Variants in AMER2 observed in about 807,000 individuals in gnomAD.
AMER2 encodes the protein family with sequence similarity 123A.
A neutral mutation model predicts 4.7 loss-of-function variants in AMER2; 1 was observed. The ratio of observed to expected loss-of-function variants is 0.21; its 90% confidence interval spans 0.07 to 1.00. AMER2 has a LOEUF of 1.00. Ranked by LOEUF, AMER2 falls within the 50% of genes least tolerant of loss-of-function variation. The pLI is 0.60. For missense variants in AMER2, 988 were observed against 966.9 expected, an observed-to-expected ratio of 1.02 and a Z score of -0.29; for synonymous variants, 485 against 433.3, an observed-to-expected ratio of 1.12 and a Z score of -1.48.
rs1184436435 is a variant in AMER2 at position 25,168,553 on chromosome 13, T to C, written c.*1051A>G. The C allele has an allele frequency of 6.6e-6, 1 of 150,612 alleles. No homozygotes were observed. The highest frequency in any genetic ancestry group is 1.5e-5 in the Non-Finnish European group (1 of 67,692). 9.3% of individuals were successfully genotyped at this position (150,612 alleles called of 1,614,324 possible). The stretch of plus-strand genomic sequence containing the variant: ...TTTTTTTTGAGAACCAGAGAACCCA[T>C]ATAAAACAAAATCAGAATCGCTTCC... On this transcript the variant is annotated 3_prime_UTR_variant, in exon 1 of 1. Coordinates refer to ENST00000515384, the MANE Select transcript of AMER2 (RefSeq NM_152704.4).
Position 25,170,183 on chromosome 13 carries a change from C to T in AMER2, c.1437G>A (p.Val479=), listed in dbSNP as rs1956538355. 3 of 1,613,404 alleles carry T rather than the reference C, an allele frequency of 1.9e-6. No homozygotes were observed. The highest frequency in any genetic ancestry group is 2.5e-6 in the Non-Finnish European group (3 of 1,179,730). ...VPETPKDTRC[V]EAAKDASSVK... ...CCGAGGACGCGTCCTTGGCCGCTTC[C>T]ACACACCTGGTGTCTTTGGGGGTCT... Residue 479 remains valine (V), a synonymous_variant, in exon 1 of 1, where the codon GTG becomes GTA. Transcript: ENST00000515384. The surrounding 1 kb of genome is among the most constrained non-coding windows in gnomAD (Gnocchi z 7.3).
Position 25,170,878 on chromosome 13 carries a change from G to C in AMER2, c.742C>G (p.Pro248Ala). The C allele has an allele frequency of 1.4e-6, 2 of 1,457,102 alleles. No homozygotes were observed. Among genetic ancestry groups the C allele is most frequent in the Non-Finnish European group, 1.8e-6 (2 of 1,112,738 alleles). 90.3% of individuals were successfully genotyped at this position (1,457,102 alleles called of 1,614,324 possible). A position where few individuals can be genotyped will look rare whatever the true frequency, so the allele number is the denominator to read the frequency against. The change falls in exon 1 of 1, where the codon CCG becomes GCG. Residue 248 changes from proline to alanine, a missense_variant. Transcript: ENST00000515384. This position sits in a 1 kb window ranked among gnomAD's most constrained non-coding sequence, Gnocchi z 7.3. ...GGGGCGTCCTGGCTGGGCTCCTCCG[G>C]CTCGCGCGCGGCTCTGGGCGTCTCC... ...KEETPRAARE[P>A]EEPSQDAPRD...
Position 25,161,963 on chromosome 13 carries a change from T to C in AMER2, c.*7641A>G, listed in dbSNP as rs182815960. ...TTGATTCCTCTATCCCATTAAACCA[T>C]TGGAGTGGAGAAAGGAGGAAAGACC... On this transcript the variant is annotated 3_prime_UTR_variant, in exon 1 of 1. Transcript: ENST00000515384. 1 of 152,228 alleles carries C rather than the reference T, an allele frequency of 6.6e-6. No homozygotes were observed. The highest frequency in any genetic ancestry group is 1.9e-4 in the East Asian group (1 of 5,170). The allele number at this position is 152,228 out of a possible 1,614,324, so 9.4% of individuals were successfully genotyped here. A position where few individuals can be genotyped will look rare whatever the true frequency, so the allele number is the denominator to read the frequency against.
rs192986187 is a variant in AMER2, at chr13:25,171,786, A to G, written c.-167T>C. ...AAGGGCTTATATAATACCCTAACCC[A>G]CTTCCATCCGACTTGGCTCGGCGCT... On this transcript the variant is annotated 5_prime_UTR_variant, in exon 1 of 1. Coordinates refer to ENST00000515384, the MANE Select transcript of AMER2 (RefSeq NM_152704.4). The surrounding 1 kb of genome is among the most constrained non-coding windows in gnomAD (Gnocchi z 5.9). The G allele has an allele frequency of 5.4e-6, 7 of 1,288,394 alleles. No homozygotes were observed. The Admixed American group carries it at 1.6e-4, about 30-fold the overall frequency. The allele number at this position is 1,288,394 out of a possible 1,614,324, so 79.8% of individuals were successfully genotyped here.
Position 25,168,303 on chromosome 13 carries a change from T to C in AMER2, c.*1301A>G, listed in dbSNP as rs1566014031. 1 of 152,210 alleles carries C rather than the reference T, an allele frequency of 6.6e-6. No individual in the cohort carries two copies. 9.4% of individuals were successfully genotyped at this position (152,210 alleles called of 1,614,324 possible). On this transcript the variant is annotated 3_prime_UTR_variant, in exon 1 of 1. Coordinates refer to ENST00000515384, the MANE Select transcript of AMER2 (RefSeq NM_152704.4). ...ATTCTGAACACACTTGTCTTTGTCA[T>C]AAGTCTATAAAGCAAAAGGCAAATG...
In AMER2 at chr13:25,170,747, G is replaced by A; in HGVS notation, c.873C>T (p.Gly291=). Residue 291 remains glycine, a synonymous_variant, in exon 1 of 1, where the codon GGC becomes GGT. Coordinates refer to ENST00000515384, the MANE Select transcript of AMER2 (RefSeq NM_152704.4). The surrounding 1 kb of genome is among the most constrained non-coding windows in gnomAD (Gnocchi z 7.3). Reference sequence around the variant, plus strand: ...CGTCCTCTCCCCGGGCGCCGGTGTCGCCGGGGTGCGCGAGGCCCTCTGCCT... The same window carrying A: ...CGTCCTCTCCCCGGGCGCCGGTGTCACCGGGGTGCGCGAGGCCCTCTGCCT... The part of the protein sequence containing the change: ...CREAEGLAHP[G]DTGARGEDAA... The A allele has an allele frequency of 1.4e-6, 2 of 1,400,732 alleles. No homozygotes were observed. Among genetic ancestry groups the A allele is most frequent in the Non-Finnish European group, 9.2e-7 (1 of 1,087,296 alleles). 86.8% of individuals were successfully genotyped at this position (1,400,732 alleles called of 1,614,324 possible). A position where few individuals can be genotyped will look rare whatever the true frequency, so the allele number is the denominator to read the frequency against.
Position 25,168,505 on chromosome 13 carries a change from G to A in AMER2, c.*1099C>T, listed in dbSNP as rs1956505262. 6.6e-6 allele frequency: 1 copy of A among 151,306 alleles called. No individual in the cohort carries two copies. The highest frequency in any genetic ancestry group is 2.1e-4 in the South Asian group (1 of 4,776). The allele number at this position is 151,306 out of a possible 1,614,324, so 9.4% of individuals were successfully genotyped here. ...AAACAAGGCAGAGCCATTCCTCTGGGACACCAGCACAATAGATTTTTTTTT... is the reference window on the plus strand; with the variant it reads ...AAACAAGGCAGAGCCATTCCTCTGGAACACCAGCACAATAGATTTTTTTTT... On this transcript the variant is annotated 3_prime_UTR_variant, in exon 1 of 1. Transcript: ENST00000515384.
chr13:25,170,938 CG>C lies in AMER2; in HGVS notation c.681del (p.Gly228AlafsTer100), dbSNP rs1956559657. 6.7e-7 allele frequency: 1 copy of C among 1,502,748 alleles called. No individual in the cohort carries two copies. Among genetic ancestry groups the C allele is most frequent in the African/African-American group, 1.4e-5 (1 of 69,210 alleles). The allele number at this position is 1,502,748 out of a possible 1,614,324, so 93.1% of individuals were successfully genotyped here. On this transcript the variant is annotated frameshift_variant, in exon 1 of 1. Coordinates refer to ENST00000515384, the MANE Select transcript of AMER2 (RefSeq NM_152704.4). LOFTEE classifies it low-confidence loss of function (END_TRUNC). The surrounding 1 kb of genome is among the most constrained non-coding windows in gnomAD (Gnocchi z 7.3). ...CACTCCAGGCTGGCGGTGAGCGAGC[CG>C]GGTAGGATCAAGCCGCCCCCGGGCG... ...GRAPGGGLILPGSLTASLECV... is the reference protein window; with the variant it reads ...GRAPGGGLILXGSLTASLECV...
Position 25,164,104 on chromosome 13 carries a change from CA to C in AMER2, c.*5499del, listed in dbSNP as rs11286133. 10,402 of 61,518 alleles carry C rather than the reference CA, an allele frequency of 0.17. 356 individuals are homozygous for C. The highest frequency in any genetic ancestry group is 0.32 in the East Asian group (841 of 2,598). 3.8% of individuals were successfully genotyped at this position (61,518 alleles called of 1,614,324 possible). The stretch of plus-strand genomic sequence containing the variant: ...TGGGTGACAGAGTAAGACTCCATCT[CA>C]AAAAAAAAAAAAAAAAAAATTAAAG... On this transcript the variant is annotated 3_prime_UTR_variant, in exon 1 of 1. Coordinates refer to ENST00000515384, the MANE Select transcript of AMER2 (RefSeq NM_152704.4).
rs749245506 is a variant in AMER2, at chr13:25,162,835, T to C, written c.*6769A>G. 1 of 152,186 alleles carries C rather than the reference T, an allele frequency of 6.6e-6. No individual in the cohort carries two copies. Among genetic ancestry groups the C allele is most frequent in the South Asian group, 2.1e-4 (1 of 4,832 alleles). The allele number at this position is 152,186 out of a possible 1,614,324, so 9.4% of individuals were successfully genotyped here. On this transcript the variant is annotated 3_prime_UTR_variant, in exon 1 of 1. Coordinates refer to ENST00000515384, the MANE Select transcript of AMER2 (RefSeq NM_152704.4). ...TTTCCAAAATTACCCATTTTACCAA[T>C]ACCTACCTTACATGGTTCTTGTGAA...
Position 25,171,022 on chromosome 13 carries a change from C to A in AMER2, c.598G>T (p.Gly200Cys), listed in dbSNP as rs753393238. 1.3e-5 allele frequency: 20 copies of A among 1,572,206 alleles called. No homozygotes were observed. The highest frequency in any genetic ancestry group is 1.4e-5 in the African/African-American group (1 of 71,190). ...TTGTCTTTCCTGTGCCAGCGCATGC[C>A]GCTGAACAGCCCCCGCAGCCCCCGC... Reference protein sequence around the residue: ...QKRGLRGLFSGMRWHRKDKRA... With the variant: ...QKRGLRGLFSCMRWHRKDKRA... Residue 200 changes from glycine (G) to cysteine (C), a missense_variant, in exon 1 of 1, where the codon GGC (glycine) becomes TGC (cysteine). Gly to Cys is a radical substitution (Grantham distance 159). Transcript: ENST00000515384. This position sits in a 1 kb window ranked among gnomAD's most constrained non-coding sequence, Gnocchi z 5.9.
Position 25,164,143 on chromosome 13 carries a change from A to G in AMER2, c.*5461T>C, listed in dbSNP as rs1247103396. 6.8e-6 allele frequency: 1 copy of G among 147,946 alleles called. No homozygotes were observed. The highest frequency in any genetic ancestry group is 1.5e-5 in the Non-Finnish European group (1 of 66,722). The allele number at this position is 147,946 out of a possible 1,614,324, so 9.2% of individuals were successfully genotyped here. On this transcript the variant is annotated 3_prime_UTR_variant, in exon 1 of 1. Coordinates refer to ENST00000515384, the MANE Select transcript of AMER2 (RefSeq NM_152704.4). ...AAAAAAATTAAAGAGGGTAGATCTC[A>G]TATTCAATATTCTTACTGCAATTAA...
rs397835038 is a variant in AMER2 at position 25,163,343 on chromosome 13, C to G, written c.*6261G>C. ...GTCATTCCACTTCTGGGTATTTATT[C>G]AAAAAAACTGAAATCAGGATCTTAA... is the stretch of plus-strand genomic sequence containing the variant. On this transcript the variant is annotated 3_prime_UTR_variant, in exon 1 of 1. Transcript: ENST00000515384. The G allele has an allele frequency of 1.4e-4, 21 of 151,974 alleles. No individual in the cohort carries two copies. The highest frequency in any genetic ancestry group is 3.1e-4 in the African/African-American group (13 of 41,440). 9.4% of individuals were successfully genotyped at this position (151,974 alleles called of 1,614,324 possible).
rs548409500 is a variant in AMER2, at chr13:25,171,200, C to G, written c.420G>C (p.Gly140=). The G allele has an allele frequency of 7.1e-7, 1 of 1,410,474 alleles. No individual in the cohort carries two copies. Among genetic ancestry groups the G allele is most frequent in the Non-Finnish European group, 9.2e-7 (1 of 1,086,194 alleles). 87.4% of individuals were successfully genotyped at this position (1,410,474 alleles called of 1,614,324 possible). The change falls in exon 1 of 1, where the codon GGG becomes GGC. Residue 140 remains glycine (G), a synonymous_variant. Coordinates refer to ENST00000515384, the MANE Select transcript of AMER2 (RefSeq NM_152704.4). This position sits in a 1 kb window ranked among gnomAD's most constrained non-coding sequence, Gnocchi z 5.9. ...CGCCGGGCCCTGCGGCTCTGGGGGG[C>G]CCCGGGTTCGGCCGCCCCCCGCCGC... ...GGGGGGRPNP[G]PPRAAGPGGG...
Position 25,164,347 on chromosome 13 carries a change from T to A in AMER2, c.*5257A>T, listed in dbSNP as rs1213357059. The A allele has an allele frequency of 1.3e-5, 2 of 151,768 alleles. No homozygotes were observed. Among genetic ancestry groups the A allele is most frequent in the Non-Finnish European group, 2.9e-5 (2 of 67,968 alleles). 9.4% of individuals were successfully genotyped at this position (151,768 alleles called of 1,614,324 possible). The stretch of plus-strand genomic sequence containing the variant: ...CCACATTAATCCTAAGAGAAGAGGA[T>A]CCCTCCAAGGGAAGGCCAATGTTTG... On this transcript the variant is annotated 3_prime_UTR_variant, in exon 1 of 1. Coordinates refer to ENST00000515384, the MANE Select transcript of AMER2 (RefSeq NM_152704.4).
In AMER2 at chr13:25,163,333, G is replaced by A. The variant is rs1444386975; in HGVS notation, c.*6271C>T. The A allele has an allele frequency of 6.6e-6, 1 of 151,818 alleles. No homozygotes were observed. Among genetic ancestry groups the A allele is most frequent in the Non-Finnish European group, 1.5e-5 (1 of 67,992 alleles). 9.4% of individuals were successfully genotyped at this position (151,818 alleles called of 1,614,324 possible). A position where few individuals can be genotyped will look rare whatever the true frequency, so the allele number is the denominator to read the frequency against. On this transcript the variant is annotated 3_prime_UTR_variant, in exon 1 of 1. Coordinates refer to ENST00000515384, the MANE Select transcript of AMER2 (RefSeq NM_152704.4). ...GAATGACCCAGTCATTCCACTTCTG[G>A]GTATTTATTCAAAAAAACTGAAATC...
Position 25,169,549 on chromosome 13 carries a change from C to T in AMER2, c.*55G>A, listed in dbSNP as rs1220974969. On this transcript the variant is annotated 3_prime_UTR_variant, in exon 1 of 1. Transcript: ENST00000515384. This position sits in a 1 kb window ranked among gnomAD's most constrained non-coding sequence, Gnocchi z 4.2. ...AAGCAAAACTTACTTTAGTGGTTTC[C>T]AGGGAAAAGTTGTATTCCTTGGCAT... 2.6e-6 allele frequency: 4 copies of T among 1,514,742 alleles called. No homozygotes were observed. Among genetic ancestry groups the T allele is most frequent in the Non-Finnish European group, 3.5e-6 (4 of 1,133,580 alleles). 93.8% of individuals were successfully genotyped at this position (1,514,742 alleles called of 1,614,324 possible).
At position 25,169,895 on chromosome 13, in the gene AMER2, G is replaced by C; in HGVS notation, c.1725C>G (p.Asn575Lys). ...ACCGGGACAGGGAGGACGTCTCCTC[G>C]TTGTCCTTCCCTCCAGGAAGGGTTG... Reference protein sequence around the residue: ...SPATLPGGKDNEETSSLSRLK... With the variant: ...SPATLPGGKDKEETSSLSRLK... Residue 575 changes from asparagine to lysine, a missense_variant, in exon 1 of 1, where the codon AAC (asparagine) becomes AAG (lysine). Transcript: ENST00000515384. The surrounding 1 kb of genome is among the most constrained non-coding windows in gnomAD (Gnocchi z 4.2). 6.2e-7 allele frequency: 1 copy of C among 1,614,134 alleles called. No homozygotes were observed. Among genetic ancestry groups the C allele is most frequent in the Non-Finnish European group, 8.5e-7 (1 of 1,180,008 alleles).
In AMER2 at chr13:25,169,015, T is replaced by G. The variant is rs1956513658; in HGVS notation, c.*589A>C. ...AGGGAAGTTTTCTGCCAATCAGTGG[T>G]CCCCTCTGCTCATCAGGTAAATACC... On this transcript the variant is annotated 3_prime_UTR_variant, in exon 1 of 1. Coordinates refer to ENST00000515384, the MANE Select transcript of AMER2 (RefSeq NM_152704.4). The surrounding 1 kb of genome is among the most constrained non-coding windows in gnomAD (Gnocchi z 4.2). The G allele has an allele frequency of 6.5e-6, 1 of 152,708 alleles. No homozygotes were observed. 9.5% of individuals were successfully genotyped at this position (152,708 alleles called of 1,614,324 possible).
Sources: gnomAD v4.1 joint callset for allele counts on GRCh38, gnomAD v4.1.1 for gene constraint, Gnocchi (gnomAD v3.1) non-coding constraint, MANE v1.5 for transcripts, NCBI Gene and HGNC (gene_info 2026-07-23, HGNC 2026-07-21) for gene names.